The following LRP1B variants were observed in gnomAD, a reference collection of about 807,000 sequenced individuals.
LRP1B encodes the protein low-density lipoprotein receptor-related protein 1B.
In LRP1B, 217 loss-of-function variants were observed where a neutral mutation model predicts 556.6. The observed-to-expected ratio is 0.39, with a 90% CI of 0.35 to 0.44. LRP1B has a LOEUF of 0.44. Ranked by LOEUF, LRP1B falls within the 20% of genes least tolerant of loss-of-function variation. The pLI, the probability that LRP1B is intolerant of heterozygous loss-of-function variation, is 1.00. For synonymous variants in LRP1B, 2,047 were observed against 1,865.8 expected, an observed-to-expected ratio of 1.10 and a Z score of -2.50; for missense variants, 5,053 against 5,620.8, an observed-to-expected ratio of 0.90 and a Z score of 3.23.
chr2:141,032,822 C>CATATATATATATATAT (rs1333410760), intron 11 of LRP1B, among the ~76,000 whole-genome samples: 1,176 of 75,546 alleles, frequency 0.016, 14 homozygotes, highest in Non-Finnish European at 0.025. Flanking sequence ...TATATATATA[C>CATATATATATATATAT]ATACATATAT....
chr2:141,143,825 C>G (rs1269440987), intron 7 of LRP1B, among the ~76,000 whole-genome samples: 1 of 92,248 alleles, frequency 1.1e-5, no homozygotes, highest in Non-Finnish European at 2.3e-5. Context: ...CTGTCAAGAG[C>G]TTTCCTAATC....
intron 33 of LRP1B, among the ~76,000 whole-genome samples, chr2:140,772,550 TC>T (rs1317513446): frequency 6.6e-6 from 1 of 152,130 alleles, no homozygotes; most frequent in East Asian, 1.9e-4. Context: ...CATCCAGTGA[TC>T]CATCCACCTC....
intron 43 of LRP1B, among the ~76,000 whole-genome samples, chr2:140,553,628 T>G (rs1421248809): frequency 6.6e-6 from 1 of 152,060 alleles, no homozygotes; most frequent in Non-Finnish European, 1.5e-5. Flanking sequence ...ATTGTATCAG[T>G]TAAGCCTGAA....
intron 59 of LRP1B, among the ~76,000 whole-genome samples, chr2:140,480,602 G>A (rs987731333): frequency 4.6e-5 from 7 of 151,594 alleles, no homozygotes; most frequent in East Asian, 2.0e-4. Flanking sequence ...CACCAAGCCC[G>A]GCTAACTTTT....
intron 66 of LRP1B, among the ~76,000 whole-genome samples, chr2:140,433,574 T>C (rs1019410150): frequency 5.3e-5 from 8 of 152,202 alleles, no homozygotes; most frequent in African/African-American, 1.9e-4. Flanking sequence ...TAAAACAATA[T>C]GCATTAACTT....
intron 3 of LRP1B, among the ~76,000 whole-genome samples, chr2:141,399,242 C>T (rs753294516): frequency 6.6e-6 from 1 of 151,634 alleles, no homozygotes; most frequent in Non-Finnish European, 1.5e-5. Flanking sequence ...GGAGACAGAG[C>T]GGGACTCTGT....
chr2:141,546,170 C>T (rs59864851), intron 2 of LRP1B, among the ~76,000 whole-genome samples: 3,178 of 152,190 alleles, frequency 0.021, 84 homozygotes, highest in East Asian at 0.12. Flanking sequence ...TTATTATGAA[C>T]ATGCTACTAT....
chr2:141,650,787 T>C (rs1427007703), intron 2 of LRP1B, among the ~76,000 whole-genome samples: 1 of 150,184 alleles, frequency 6.7e-6, no homozygotes, highest in African/African-American at 2.5e-5. Flanking sequence ...CTATAGAATA[T>C]AACCCTCAAT....
chr2:142,072,585 G>A, intron 1 of LRP1B, among the ~76,000 whole-genome samples: 1 of 151,880 alleles, frequency 6.6e-6, no homozygotes, highest in East Asian at 1.9e-4. Flanking sequence ...AAAATTATGA[G>A]ATTTTTGTGA....
At chr2:141,879,889 G>C (rs531523790) in intron 1 of LRP1B, among the ~76,000 whole-genome samples, 32 of 151,990 alleles carry the variant, frequency 2.1e-4, no homozygotes, top group African/African-American at 7.5e-4. Context: ...ATCACTATTT[G>C]TAGCTTGTTG....
chr2:142,009,622 A>G (rs1447706479), intron 1 of LRP1B, among the ~76,000 whole-genome samples: 1 of 152,186 alleles, frequency 6.6e-6, no homozygotes, highest in Admixed American at 6.5e-5. Context: ...GATATATCTA[A>G]TGTTGTCAAG....
intron 7 of LRP1B, among the ~76,000 whole-genome samples, chr2:141,101,402 AAAAG>A (rs1700458311): frequency 1.3e-5 from 2 of 152,172 alleles, no homozygotes; most frequent in South Asian, 4.1e-4. Flanking sequence ...GAATAAAGGG[AAAAG>A]AAAGAAGTTT....
At chr2:141,365,432 A>T (rs1347480703) in intron 3 of LRP1B, among the ~76,000 whole-genome samples, 1 of 151,760 alleles carries the variant, frequency 6.6e-6, no homozygotes, top group Non-Finnish European at 1.5e-5. Flanking sequence ...AGAGTCCCAT[A>T]AAGAATGAAA....
At chr2:140,883,557 T>G (rs561362339) in intron 25 of LRP1B, among the ~76,000 whole-genome samples, 5 of 134,184 alleles carry the variant, frequency 3.7e-5, no homozygotes, top group Non-Finnish European at 6.5e-5. Context: ...TGCCCACATT[T>G]AGAAAAAAAA....
intron 68 of LRP1B, among the ~76,000 whole-genome samples, chr2:140,374,290 CA>C (rs58882761): frequency 6.6e-6 from 1 of 152,120 alleles, no homozygotes; most frequent in African/African-American, 2.4e-5. Context: ...GCTTCTTCCA[CA>C]AAAAGTGTAA....
intron 2 of LRP1B, among the ~76,000 whole-genome samples, chr2:141,713,398 A>G (rs1692441221): frequency 6.6e-6 from 1 of 152,210 alleles, no homozygotes; most frequent in African/African-American, 2.4e-5. Flanking sequence ...AATGAAATAA[A>G]CATGCATTTT....
chr2:141,529,606 A>C (rs1432423913), intron 2 of LRP1B, among the ~76,000 whole-genome samples: 1 of 152,188 alleles, frequency 6.6e-6, no homozygotes, highest in African/African-American at 2.4e-5. Context: ...TCAAGTATAG[A>C]ATCTGACTTT....
chr2:141,674,418 C>T (rs1412266023), intron 2 of LRP1B, among the ~76,000 whole-genome samples: 3 of 151,992 alleles, frequency 2.0e-5, no homozygotes, highest in Non-Finnish European at 4.4e-5. Context: ...CTTCTTAAGA[C>T]CAATTTATTT....
rs1043084575 is a variant in LRP1B at position 141,221,740 on chromosome 2, G to A, written c.850+7443C>T. 5.9e-5 allele frequency among the ~76,000 whole-genome samples: 9 copies of A among 152,204 alleles called. No individual in the cohort carries two copies. The Middle Eastern group carries it at 0.01, about 173-fold the overall frequency. On this transcript the variant is annotated intron_variant, in intron 6 of 90. Coordinates refer to ENST00000389484, the MANE Select transcript of LRP1B (RefSeq NM_018557.3). ...ATTACCAACTGTATCTTAGACCATA[G>A]CACAATCAAATTAGAATGCAAGATT... is the stretch of plus-strand genomic sequence containing the variant.
Sources: allele counts gnomAD v4.1 joint callset (sites outside exome capture counted in the v4.1 genomes callset), GRCh38; gene constraint gnomAD v4.1.1; transcripts MANE v1.5; gene names NCBI Gene and HGNC (gene_info 2026-07-23, HGNC 2026-07-21).